Variants in STAC observed in about 807,000 individuals in gnomAD.
STAC encodes the protein SH3 and cysteine rich domain.
A neutral mutation model predicts 48.8 loss-of-function variants in STAC; 43 were observed. The ratio of observed to expected loss-of-function variants is 0.88; its 90% CI spans 0.69 to 1.14. The LOEUF (loss-of-function observed/expected upper bound fraction) is 1.14, where lower values mean the gene tolerates loss of function less well. Among genes scored for constraint, STAC ranks in the 50% most tolerant of loss-of-function variants. STAC has a pLI of 0.00. For missense variants in STAC, 497 were observed against 504.0 expected (o/e 0.99, Z 0.13); for synonymous variants, 193 against 179.5 (o/e 1.07, Z -0.60).
chr3:36,486,862 G>A (rs1409459933), intron 5 of STAC, among the ~76,000 whole-genome samples: 2 of 152,206 alleles, frequency 1.3e-5, no homozygotes, highest in Admixed American at 1.3e-4. Flanking sequence ...GTTTCAATCA[G>A]AATTTCTATA....
chr3:36,412,115 A>T (rs1223038636), intron 1 of STAC, among the ~76,000 whole-genome samples: 2 of 152,172 alleles, frequency 1.3e-5, no homozygotes, highest in Non-Finnish European at 2.9e-5. Flanking sequence ...GGAGGTGGGA[A>T]GTGGCTGTCT....
chr3:36,439,787 GC>G (rs1183803747), intron 1 of STAC, among the ~76,000 whole-genome samples: 1 of 152,108 alleles, frequency 6.6e-6, no homozygotes, highest in African/African-American at 2.4e-5. Flanking sequence ...TTGTCTCATA[GC>G]CCCTTCTCAC....
intron 1 of STAC, among the ~76,000 whole-genome samples, chr3:36,387,736 T>C (rs540360775): frequency 7.9e-5 from 12 of 152,258 alleles, no homozygotes; most frequent in African/African-American, 2.9e-4. Flanking sequence ...CATTAATGCA[T>C]CAGTGAATAC....
At chr3:36,486,308 A>G (rs1697814030) in intron 5 of STAC, 59 bp downstream of exon 5, 4 of 1,442,626 alleles carry the variant, frequency 2.8e-6, no homozygotes, top group Admixed American at 1.8e-5. Flanking sequence ...AGCGGGCCTC[A>G]GGCACTGCAG....
At chr3:36,523,231 A>G (rs1344821866) in intron 8 of STAC, among the ~76,000 whole-genome samples, 1 of 152,144 alleles carries the variant, frequency 6.6e-6, no homozygotes, top group Non-Finnish European at 1.5e-5. Context: ...CAGCCCTTTC[A>G]CCATTTCAAG....
Position 36,528,940 on chromosome 3 carries a change from C to T in STAC, c.1065C>T (p.Phe355=). 4 of 1,613,462 alleles carry T rather than the reference C, an allele frequency of 2.5e-6. No homozygotes were observed. Among genetic ancestry groups the T allele is most frequent in the Non-Finnish European group, 3.4e-6 (4 of 1,179,664 alleles). Residue 355 remains phenylalanine (F), a synonymous_variant, in exon 10 of 11, where the codon TTC becomes TTT. Coordinates refer to ENST00000273183, the MANE Select transcript of STAC (RefSeq NM_003149.3). The stretch of plus-strand genomic sequence containing the variant: ...AGATTTTTAGATGTGTTAGAACCTT[C>T]ATTGGGTGTAAGGAACAGGGGCAGA... ...NEKIFRCVRT[F]IGCKEQGQIT...
intron 3 of STAC, among the ~76,000 whole-genome samples, chr3:36,484,553 T>C (rs1217620645): frequency 6.6e-6 from 1 of 152,244 alleles, no homozygotes; most frequent in East Asian, 1.9e-4. Context: ...CAGGAGCTTT[T>C]AGGCCTCCCT....
At chr3:36,445,902 C>T (rs1332050208) in intron 2 of STAC, among the ~76,000 whole-genome samples, 3 of 152,194 alleles carry the variant, frequency 2.0e-5, no homozygotes, top group Non-Finnish European at 4.4e-5. Flanking sequence ...GAACCTGACA[C>T]CCTCCGTGTA....
chr3:36,504,339 TG>T (rs1575245923), intron 6 of STAC, 53 bp from the exon 7 acceptor site: 2 of 1,483,136 alleles, frequency 1.3e-6, no homozygotes, highest in East Asian at 4.5e-5. Context: ...CAGGAATATT[TG>T]TTTAAATGGT....
Position 36,380,518 on chromosome 3 carries a change from C to T in STAC, c.-126C>T. ...GCGAGGCTGGAGGAGGGCACGTCGG[C>T]GCCTCGGCGAGGATGGGAGTCCCCA... On this transcript the variant is annotated 5_prime_UTR_variant, in exon 1 of 11. Transcript: ENST00000273183. 2.9e-6 allele frequency: 2 copies of T among 680,268 alleles called. No homozygotes were observed. Among genetic ancestry groups the T allele is most frequent in the South Asian group, 3.6e-5 (2 of 54,998 alleles). The allele number at this position is 680,268 out of a possible 1,614,324, so 42.1% of individuals were successfully genotyped here.
intron 8 of STAC, among the ~76,000 whole-genome samples, chr3:36,518,061 T>C (rs1698716785): frequency 6.6e-6 from 1 of 152,210 alleles, no homozygotes; most frequent in African/African-American, 2.4e-5. Flanking sequence ...CTCAGCAGTC[T>C]GCAAAACAGA....
chr3:36,499,785 G>A (rs1337799850), intron 6 of STAC, among the ~76,000 whole-genome samples: 8 of 150,996 alleles, frequency 5.3e-5, no homozygotes, highest in Admixed American at 2.6e-4. Flanking sequence ...TTTCTGCAGG[G>A]GGAAGAAAGA....
chr3:36,476,295 C>T (rs1217041433), intron 2 of STAC, among the ~76,000 whole-genome samples: 2 of 152,122 alleles, frequency 1.3e-5, no homozygotes, highest in Admixed American at 6.5e-5. Context: ...GCTCTGAGAA[C>T]GATGAGGGGA....
chr3:36,507,063 G>C (rs890382843), intron 8 of STAC, among the ~76,000 whole-genome samples: 2 of 152,182 alleles, frequency 1.3e-5, no homozygotes, highest in Admixed American at 6.5e-5. Context: ...GTGTGGGTTT[G>C]TCATAAGTAG....
At chr3:36,434,652 A>G (rs1700786012) in intron 1 of STAC, among the ~76,000 whole-genome samples, 1 of 152,228 alleles carries the variant, frequency 6.6e-6, no homozygotes, top group Non-Finnish European at 1.5e-5. Context: ...GACTCTTTGC[A>G]TCAGAACCAC....
chr3:36,404,053 T>C (rs1232135732), intron 1 of STAC, among the ~76,000 whole-genome samples: 1 of 152,180 alleles, frequency 6.6e-6, no homozygotes, highest in Non-Finnish European at 1.5e-5. Flanking sequence ...TAAATTCCTT[T>C]ACACCAACAA....
At chr3:36,394,684 G>A (rs1253510943) in intron 1 of STAC, among the ~76,000 whole-genome samples, 2 of 152,060 alleles carry the variant, frequency 1.3e-5, no homozygotes, top group African/African-American at 4.8e-5. Context: ...ATCACCTGAA[G>A]TCAGGAGTTA....
At chr3:36,461,088 T>G (rs1697004429) in intron 2 of STAC, among the ~76,000 whole-genome samples, 1 of 152,186 alleles carries the variant, frequency 6.6e-6, no homozygotes, top group Non-Finnish European at 1.5e-5. Context: ...CCTGCTAGAC[T>G]TTTTTACATG....
At chr3:36,428,999 G>A (rs1700629064) in intron 1 of STAC, among the ~76,000 whole-genome samples, 1 of 152,134 alleles carries the variant, frequency 6.6e-6, no homozygotes, top group African/African-American at 2.4e-5. Context: ...CGGTTGTACA[G>A]GTGAGACCAG....
Sources: gnomAD v4.1 joint callset for allele counts (sites outside exome capture counted in the v4.1 genomes callset) on GRCh38, gnomAD v4.1.1 for gene constraint, MANE v1.5 for transcripts, NCBI Gene and HGNC (gene_info 2026-07-23, HGNC 2026-07-21) for gene names.